The following POLK variants were observed in gnomAD, a reference collection of about 807,000 sequenced individuals.
The protein encoded by POLK is polymerase (DNA directed) kappa.
Under a neutral mutation model 94.0 loss-of-function variants are expected in POLK, and 76 were observed. That is an observed-to-expected ratio of 0.81 (90% CI 0.67 to 0.98). POLK has a LOEUF of 0.98. Ranked by LOEUF, POLK falls within the 50% of genes least tolerant of loss-of-function variation. The pLI, the probability that POLK is intolerant of heterozygous loss-of-function variation, is 0.00. For missense variants in POLK, 954 were observed against 1,010.1 expected, an observed-to-expected ratio of 0.94 and a Z score of 0.75; for synonymous variants, 349 against 325.4, an observed-to-expected ratio of 1.07 and a Z score of -0.78.
rs1260562403 is a variant in POLK at position 75,547,106 on chromosome 5, GGAAGGATTAGATAAAGA to G, written c.88_104del (p.Gly30AsnfsTer2). The G allele has an allele frequency of 1.3e-6, 2 of 1,538,280 alleles. No individual in the cohort carries two copies. Among genetic ancestry groups the G allele is most frequent in the African/African-American group, 2.8e-5 (2 of 72,692 alleles). ...GACTTAATGATAATAAAGCAGGAAT[GGAAGGATTAGATAAAGA>G]GAAAATTAACAAAATTATAATGGAA... On this transcript the variant is annotated frameshift_variant, in exon 2 of 15. Coordinates refer to ENST00000241436, the Ensembl canonical transcript of POLK. LOFTEE classifies it high-confidence loss of function.
intron 1 of POLK, among the ~76,000 whole-genome samples, chr5:75,514,152 ATG>A (rs1222971368): frequency 6.6e-6 from 1 of 152,186 alleles, no homozygotes; most frequent in Non-Finnish European, 1.5e-5. Flanking sequence ...ATCTTGCTAT[ATG>A]ATAATCTGAC....
chr5:75,561,252 C>G (rs1770957729), intron 3 of POLK, among the ~76,000 whole-genome samples: 1 of 152,194 alleles, frequency 6.6e-6, no homozygotes, highest in Non-Finnish European at 1.5e-5. Context: ...ATTTGCGTTT[C>G]TCTAATGACC....
At chr5:75,567,120 A>G (rs1356646685) in intron 3 of POLK, among the ~76,000 whole-genome samples, 1 of 152,202 alleles carries the variant, frequency 6.6e-6, no homozygotes, top group African/African-American at 2.4e-5. Flanking sequence ...AAGCACAAAA[A>G]AAGAGAATAG....
chr5:75,557,261 T>G (rs2112687260), intron 3 of POLK, among the ~76,000 whole-genome samples: 1 of 152,336 alleles, frequency 6.6e-6, no homozygotes, highest in East Asian at 1.9e-4. Flanking sequence ...AGTCAAGTAG[T>G]TTCAGTCCTT....
At chr5:75,545,022 C>A (rs1320786399) in intron 1 of POLK, among the ~76,000 whole-genome samples, 2 of 152,160 alleles carry the variant, frequency 1.3e-5, no homozygotes, top group Non-Finnish European at 2.9e-5. Context: ...TCCTATCTGG[C>A]TTCTACTCCC....
intron 1 of POLK, among the ~76,000 whole-genome samples, chr5:75,519,033 C>T (rs1052159220): frequency 1.3e-5 from 2 of 152,106 alleles, no homozygotes; most frequent in African/African-American, 4.8e-5. Flanking sequence ...GTTGTGCTGC[C>T]CAGGCTGGCC....
At chr5:75,580,279 T>C (rs777578267) in intron 6 of POLK, among the ~76,000 whole-genome samples, 13 of 152,114 alleles carry the variant, frequency 8.5e-5, no homozygotes, top group African/African-American at 2.2e-4. Context: ...AATTACGAGA[T>C]GGGATCAGAA....
At chr5:75,541,141 G>T (rs1477796556) in intron 1 of POLK, among the ~76,000 whole-genome samples, 2 of 151,968 alleles carry the variant, frequency 1.3e-5, no homozygotes. Flanking sequence ...AAATTAGCCA[G>T]GCGTGGTGGT....
rs536279934 is a variant in POLK, at chr5:75,575,110, A to T, written c.540+1241A>T. ...CAAATGAGTTCTTCTGTGTAAATGA[A>T]CTGTAGAACAAATTCATCACTGCCT... On this transcript the variant is annotated intron_variant, in intron 5 of 14. Transcript: ENST00000241436. 6.6e-5 allele frequency among the ~76,000 whole-genome samples: 10 copies of T among 152,328 alleles called. No homozygotes were observed. The South Asian group carries it at 2.1e-3, about 32-fold the overall frequency.
downstream of POLK, among the ~76,000 whole-genome samples, chr5:75,602,235 G>A (rs957374420): frequency 1.3e-5 from 2 of 152,120 alleles, no homozygotes; most frequent in Admixed American, 6.6e-5. Context: ...GACCTTACCC[G>A]TTGAGTCTCA....
At chr5:75,537,148 G>A (rs985606544) in intron 1 of POLK, among the ~76,000 whole-genome samples, 5 of 152,232 alleles carry the variant, frequency 3.3e-5, no homozygotes, top group African/African-American at 7.2e-5. Flanking sequence ...CTGCAGTGGC[G>A]GCCTCTATTG....
downstream of POLK, among the ~76,000 whole-genome samples, chr5:75,602,412 G>C (rs890874906): frequency 1.3e-5 from 2 of 152,118 alleles, no homozygotes; most frequent in Admixed American, 6.6e-5. Flanking sequence ...GAAATTCCAC[G>C]AGCTCAGGTC....
chr5:75,587,007 CT>C lies in POLK; in HGVS notation c.1227-10del, dbSNP rs569266111. The C allele has an allele frequency of 3.5e-4, 532 of 1,499,434 alleles. No homozygotes were observed. Among genetic ancestry groups the C allele is most frequent in the Admixed American group, 6.0e-4 (30 of 49,812 alleles). The allele number at this position is 1,499,434 out of a possible 1,614,324, so 92.9% of individuals were successfully genotyped here. A position where few individuals can be genotyped will look rare whatever the true frequency, so the allele number is the denominator to read the frequency against. On this transcript the variant is annotated intron_variant, in intron 9 of 14. Coordinates refer to ENST00000241436, the Ensembl canonical transcript of POLK. ...AACTCAGTCTTTGAAAAATAAAGAC[CT>C]TTTTTTTTCATTTCAAGGGATGGAG...
chr5:75,593,923 A>C (rs1232058734), exon 12 of POLK: 13 of 1,605,394 alleles, frequency 8.1e-6, no homozygotes, highest in Non-Finnish European at 1.1e-5. Flanking sequence ...TTTTGAAGTA[A>C]AAACTCGTGC....
rs1771721808 is a variant in POLK at position 75,573,736 on chromosome 5, A to T, written c.409-2A>T. The T allele has an allele frequency of 6.2e-7, 1 of 1,612,086 alleles. No individual in the cohort carries two copies. Among genetic ancestry groups the T allele is most frequent in the African/African-American group, 1.3e-5 (1 of 74,950 alleles). ...TTTTCCATGTGGTCAATTTTCTTTCAGTCTACTTCAAATTACCATGCAAGG... is the reference window on the plus strand; with the variant it reads ...TTTTCCATGTGGTCAATTTTCTTTCTGTCTACTTCAAATTACCATGCAAGG... On this transcript the variant is annotated splice_acceptor_variant, in intron 4 of 14. Coordinates refer to ENST00000241436, the Ensembl canonical transcript of POLK. LOFTEE classifies it high-confidence loss of function.
chr5:75,598,058 T>C (rs1359914321), exon 15 of POLK: 1 of 791,676 alleles, frequency 1.3e-6, no homozygotes, highest in South Asian at 1.9e-5. Context: ...TTGAAACTAG[T>C]TATTTTATAA....
intron 4 of POLK, among the ~76,000 whole-genome samples, chr5:75,571,165 A>T (rs570825505): frequency 1.1e-4 from 16 of 152,278 alleles, no homozygotes; most frequent in Admixed American, 6.5e-4. Context: ...AATTATTGTT[A>T]TATTTAAACA....
At chr5:75,535,548 A>G (rs889478932) in intron 1 of POLK, among the ~76,000 whole-genome samples, 1 of 152,070 alleles carries the variant, frequency 6.6e-6, no homozygotes, top group Admixed American at 6.6e-5. Context: ...ATGTTTTCCA[A>G]GTTGCTTACT....
intron 1 of POLK, among the ~76,000 whole-genome samples, chr5:75,545,868 G>C (rs1769992973): frequency 6.6e-6 from 1 of 152,128 alleles, no homozygotes; most frequent in Non-Finnish European, 1.5e-5. Context: ...TGTGTCAGTA[G>C]ACATGTTCTA....
Sources: gnomAD v4.1 joint callset for allele counts (sites outside exome capture counted in the v4.1 genomes callset) on GRCh38, gnomAD v4.1.1 for gene constraint, MANE v1.5 for transcripts, NCBI Gene and HGNC (gene_info 2026-07-23, HGNC 2026-07-21) for gene names.